INHBC: variants seen among roughly 807,000 people sequenced by gnomAD.
INHBC encodes the protein inhibin beta C chain.
INHBC carries 10 observed loss-of-function variants against 12.4 expected under a neutral mutation model. That is an observed-to-expected ratio of 0.81 (90% confidence interval 0.50 to 1.37). The LOEUF (loss-of-function observed/expected upper bound fraction) is 1.37, where lower values mean the gene tolerates loss of function less well. Ranked by LOEUF, INHBC falls within the 40% of genes most tolerant of loss-of-function variation. The probability of loss-of-function intolerance (pLI) is 0.00; values close to 1 mark genes in which losing one functional copy is unlikely to be tolerated. For missense variants in INHBC, 382 were observed against 439.4 expected (o/e 0.87, Z 1.17); for synonymous variants, 147 against 171.6 (o/e 0.86, Z 1.12).
At chr12:57,447,893 ATATATATATATAT>A (rs1378390605) in intron 1 of INHBC, among the ~76,000 whole-genome samples, 41 of 20,326 alleles carry the variant, frequency 2.0e-3, no homozygotes, top group Non-Finnish European at 2.7e-3. Context: ...AAAAAAAAAA[ATATATATATATAT>A]ATATATATAT....
In INHBC at chr12:57,434,974, G is replaced by A; in HGVS notation, c.88G>A (p.Gly30Arg). 1 of 1,614,104 alleles carries A rather than the reference G, an allele frequency of 6.2e-7. No individual in the cohort carries two copies. Among genetic ancestry groups the A allele is most frequent in the Non-Finnish European group, 8.5e-7 (1 of 1,180,040 alleles). Residue 30 changes from glycine to arginine, a missense_variant, in exon 1 of 2, where the codon GGG (glycine) becomes AGG (arginine). Physicochemically the swap from Gly to Arg is moderately radical, Grantham distance 125 (BLOSUM62 -2). Coordinates refer to ENST00000309668, the MANE Select transcript of INHBC (RefSeq NM_005538.4). ...PRAGGQCPAC[G>R]GPTLELESQR... ...AGCTGGCGGTCAGTGTCCAGCATGTGGGGGGCCCACCTTGGAACTGGAGAG... is the reference window on the plus strand; with the variant it reads ...AGCTGGCGGTCAGTGTCCAGCATGTAGGGGGCCCACCTTGGAACTGGAGAG...
chr12:57,437,598 G>A (rs1870370549), intron 1 of INHBC, among the ~76,000 whole-genome samples: 1 of 148,682 alleles, frequency 6.7e-6, no homozygotes, highest in African/African-American at 2.5e-5. Context: ...ATGGACCCAG[G>A]AGGTGGAGCT....
chr12:57,435,163 G>A lies in INHBC; in HGVS notation c.277G>A (p.Glu93Lys). The A allele has an allele frequency of 6.2e-7, 1 of 1,613,606 alleles. No homozygotes were observed. Among genetic ancestry groups the A allele is most frequent in the Non-Finnish European group, 8.5e-7 (1 of 1,179,618 alleles). Residue 93 changes from glutamate to lysine, a missense_variant, in exon 1 of 2, where the codon GAA (glutamate) becomes AAA (lysine). Glu to Lys is a moderately conservative substitution (Grantham distance 56, BLOSUM62 1). Transcript: ENST00000309668. ...GGGGGCACTTCTAGAGGACAACAGG[G>A]AACAGGAATGTGAAATCATCAGCTT... ...PQGALLEDNR[E>K]QECEIISFAE...
At chr12:57,446,241 A>T (rs1029169979) in intron 1 of INHBC, among the ~76,000 whole-genome samples, 28 of 151,408 alleles carry the variant, frequency 1.8e-4, no homozygotes, top group African/African-American at 6.3e-4. Flanking sequence ...CGGCCTAAAA[A>T]TTTTTTTTTA....
At chr12:57,437,351 G>A (rs1393222117) in intron 1 of INHBC, among the ~76,000 whole-genome samples, 1 of 152,100 alleles carries the variant, frequency 6.6e-6, no homozygotes, top group Non-Finnish European at 1.5e-5. Context: ...AGCAGATCAG[G>A]AATTCTAAGC....
chr12:57,435,820 GA>G (rs1870323419), intron 1 of INHBC, among the ~76,000 whole-genome samples: 1 of 151,702 alleles, frequency 6.6e-6, no homozygotes, highest in African/African-American at 2.4e-5. Context: ...AGGAGTTCGA[GA>G]CCAGCCTGAG....
chr12:57,445,110 C>T (rs1210976059), intron 1 of INHBC, among the ~76,000 whole-genome samples: 1 of 152,134 alleles, frequency 6.6e-6, no homozygotes, highest in African/African-American at 2.4e-5. Context: ...AAGAGACTAG[C>T]AAGTGTAAAG....
At position 57,450,200 on chromosome 12, in the gene INHBC, T is replaced by A; in HGVS notation, c.*178T>A. On this transcript the variant is annotated 3_prime_UTR_variant, in exon 2 of 2. Transcript: ENST00000309668. ...TGAAGAAACCTTCATCTAAAGCAAG[T>A]CACTGTGCCATCTTCCTGACCACTA... 1.7e-6 allele frequency: 1 copy of A among 585,586 alleles called. No individual in the cohort carries two copies. The highest frequency in any genetic ancestry group is 2.7e-6 in the Non-Finnish European group (1 of 367,820). The allele number at this position is 585,586 out of a possible 1,614,324, so 36.3% of individuals were successfully genotyped here.
rs1364410581 is a variant in INHBC, at chr12:57,449,418, T to C, written c.455T>C (p.Val152Ala). 4.3e-6 allele frequency: 7 copies of C among 1,613,896 alleles called. No homozygotes were observed. Among genetic ancestry groups the C allele is most frequent in the Non-Finnish European group, 5.1e-6 (6 of 1,180,004 alleles). The change falls in exon 2 of 2, where the codon GTC becomes GCC. Residue 152 changes from valine to alanine, a missense_variant. Physicochemically the swap from Val to Ala is moderately conservative, Grantham distance 64. Coordinates refer to ENST00000309668, the MANE Select transcript of INHBC (RefSeq NM_005538.4). Reference sequence around the variant, plus strand: ...ACCACTTGGACCTTGAAAGTGAGAGTCCTTGTGCTGGGTCCACATAATACC... The same window carrying C: ...ACCACTTGGACCTTGAAAGTGAGAGCCCTTGTGCTGGGTCCACATAATACC... The part of the protein sequence containing the change: ...SNTTWTLKVR[V>A]LVLGPHNTNL...
intron 1 of INHBC, among the ~76,000 whole-genome samples, chr12:57,435,629 A>G (rs1870318632): frequency 1.3e-5 from 2 of 152,102 alleles, no homozygotes; most frequent in African/African-American, 4.8e-5. Context: ...AAAAGAAGAA[A>G]AAATAAAACA....
At chr12:57,435,935 C>T (rs1870327041) in intron 1 of INHBC, among the ~76,000 whole-genome samples, 1 of 151,832 alleles carries the variant, frequency 6.6e-6, no homozygotes, top group Non-Finnish European at 1.5e-5. Flanking sequence ...CAACCTCCAC[C>T]TCCTGAGTTC....
intron 1 of INHBC, among the ~76,000 whole-genome samples, chr12:57,442,525 G>A (rs1870487458): frequency 6.6e-6 from 1 of 152,226 alleles, no homozygotes; most frequent in Admixed American, 6.5e-5. Context: ...GCTCACTTAG[G>A]AGGAGCTGAG....
intron 1 of INHBC, among the ~76,000 whole-genome samples, chr12:57,441,284 G>C (rs968524188): frequency 2.6e-5 from 4 of 151,096 alleles, no homozygotes; most frequent in Admixed American, 2.6e-4. Context: ...AACCCAGGGG[G>C]TGGAGGTTGC....
intron 1 of INHBC, among the ~76,000 whole-genome samples, chr12:57,437,078 T>C (rs2139829776): frequency 6.6e-6 from 1 of 152,258 alleles, no homozygotes; most frequent in East Asian, 1.9e-4. Context: ...ATTACAGACA[T>C]GAGCCACCAT....
At chr12:57,435,479 C>T (rs1293479600) in intron 1 of INHBC, among the ~76,000 whole-genome samples, 1 of 152,174 alleles carries the variant, frequency 6.6e-6, no homozygotes, top group Non-Finnish European at 1.5e-5. Context: ...TCTGCAGGCC[C>T]CACAAACCCA....
chr12:57,440,911 G>A lies in INHBC; in HGVS notation c.313+5712G>A, dbSNP rs576386260. Among the ~76,000 whole-genome samples the A allele has an allele frequency of 1.1e-3, 160 of 152,116 alleles. 1 individual carries two copies. Among genetic ancestry groups the A allele is most frequent in the Non-Finnish European group, 1.7e-3 (115 of 68,014 alleles). On this transcript the variant is annotated intron_variant, in intron 1 of 1. Transcript: ENST00000309668. ...TAACTTCTGCCTGCCACTCATTCCC[G>A]AAGCCGGTGCAACTGACCAAGCACA...
At chr12:57,445,736 A>ATTTT (rs35509259) in intron 1 of INHBC, among the ~76,000 whole-genome samples, 6 of 101,360 alleles carry the variant, frequency 5.9e-5, no homozygotes, top group Admixed American at 1.1e-4. Context: ...CTCCATGTAA[A>ATTTT]TTTTTTTTTT....
intron 1 of INHBC, among the ~76,000 whole-genome samples, chr12:57,446,376 A>G (rs1229330726): frequency 1.3e-5 from 2 of 152,162 alleles, no homozygotes; most frequent in Non-Finnish European, 2.9e-5. Flanking sequence ...AGTCATCAGC[A>G]TATAGATGGA....
rs1360306525 is a variant in INHBC at position 57,450,994 on chromosome 12, C to G, written c.*972C>G. 6.6e-6 allele frequency among the ~76,000 whole-genome samples: 1 copy of G among 152,192 alleles called. No individual in the cohort carries two copies. The highest frequency in any genetic ancestry group is 2.4e-5 in the African/African-American group (1 of 41,450). On this transcript the variant is annotated 3_prime_UTR_variant, in exon 2 of 2. Coordinates refer to ENST00000309668, the MANE Select transcript of INHBC (RefSeq NM_005538.4). ...CAGACAGCTGAAAAGTCCTCTATCTCCTACAAGGGCCCTAACTGGCACCCC... is the reference window on the plus strand; with the variant it reads ...CAGACAGCTGAAAAGTCCTCTATCTGCTACAAGGGCCCTAACTGGCACCCC...
Sources: allele counts gnomAD v4.1 joint callset (sites outside exome capture counted in the v4.1 genomes callset), GRCh38; gene constraint gnomAD v4.1.1; transcripts MANE v1.5; gene names NCBI Gene and HGNC (gene_info 2026-07-23, HGNC 2026-07-21).